ADGRB3: variants seen among roughly 807,000 people sequenced by gnomAD.
ADGRB3 encodes adhesion G protein-coupled receptor B3.
ADGRB3 carries 37 observed loss-of-function variants against 193.4 expected under a neutral mutation model. That is an observed-to-expected ratio of 0.19 (90% CI 0.15 to 0.25). The LOEUF (loss-of-function observed/expected upper bound fraction) is 0.25. Among genes scored for constraint, ADGRB3 ranks in the 10% least tolerant of loss-of-function variants. The pLI is 1.00. For missense variants in ADGRB3, 1,637 were observed against 1,852.9 expected (o/e 0.88, Z 2.14); for synonymous variants, 690 against 644.2 (o/e 1.07, Z -1.08).
intron 20 of ADGRB3, among the ~76,000 whole-genome samples, chr6:69,321,618 T>A (rs1323163406): frequency 6.6e-6 from 1 of 151,708 alleles, no homozygotes; most frequent in Non-Finnish European, 1.5e-5. Context: ...TAAGGGATGA[T>A]TGATCACTGG....
intron 15 of ADGRB3, among the ~76,000 whole-genome samples, chr6:69,052,763 C>G (rs913415360): frequency 3.3e-5 from 5 of 152,152 alleles, no homozygotes; most frequent in Non-Finnish European, 7.3e-5. Context: ...ATTGTCTTCC[C>G]TTTTAAAGTT....
intron 30 of ADGRB3, among the ~76,000 whole-genome samples, chr6:69,379,352 T>C (rs147887737): frequency 2.6e-4 from 39 of 152,048 alleles, no homozygotes; most frequent in African/African-American, 8.9e-4. Context: ...GGCAATCAGA[T>C]AAACCCTAAT....
At chr6:69,139,000 A>G (rs1357389053) in intron 17 of ADGRB3, among the ~76,000 whole-genome samples, 1 of 152,238 alleles carries the variant, frequency 6.6e-6, no homozygotes, top group South Asian at 2.1e-4. Flanking sequence ...AAGAATTTCT[A>G]TTTAAAAACT....
At chr6:69,372,337 C>A in intron 29 of ADGRB3, 69 bp from the exon 30 acceptor site, 1 of 877,820 alleles carries the variant, frequency 1.1e-6, no homozygotes. Flanking sequence ...GATGATTTTT[C>A]ATTTTGTTTG....
intron 17 of ADGRB3, among the ~76,000 whole-genome samples, chr6:69,106,273 A>G (rs1394368115): frequency 6.6e-6 from 1 of 151,726 alleles, no homozygotes; most frequent in Non-Finnish European, 1.5e-5. Context: ...TTTATGTTAC[A>G]TTTATTACTA....
intron 3 of ADGRB3, among the ~76,000 whole-genome samples, chr6:68,768,065 T>A (rs117821291): frequency 0.011 from 1,737 of 152,190 alleles, 15 homozygotes; most frequent in Middle Eastern, 0.017. Flanking sequence ...GAAAAAACAT[T>A]CTATTCTCAT....
Position 69,038,464 on chromosome 6 carries a change from G to A in ADGRB3, c.2108-9721G>A, listed in dbSNP as rs151169537. On this transcript the variant is annotated intron_variant, in intron 13 of 31. Transcript: ENST00000370598. Reference sequence around the variant, plus strand: ...TGCTGTTCTTAGTCTTACTTTCTGAGGAAAGAGGGGGAATTTATTTCCTAA... The same window carrying A: ...TGCTGTTCTTAGTCTTACTTTCTGAAGAAAGAGGGGGAATTTATTTCCTAA... 2.6e-5 allele frequency among the ~76,000 whole-genome samples: 4 copies of A among 152,166 alleles called. No individual in the cohort carries two copies. In the East Asian group the frequency reaches 7.7e-4, roughly 29 times the overall value.
At chr6:69,078,384 G>A (rs374091447) in intron 17 of ADGRB3, among the ~76,000 whole-genome samples, 24 of 152,006 alleles carry the variant, frequency 1.6e-4, no homozygotes, top group African/African-American at 5.5e-4. Context: ...TTTACATTTT[G>A]TTGTTCATAA....
At chr6:68,819,344 T>G (rs1171867157) in intron 3 of ADGRB3, among the ~76,000 whole-genome samples, 1 of 151,926 alleles carries the variant, frequency 6.6e-6, no homozygotes, top group African/African-American at 2.4e-5. Flanking sequence ...TATGGCACCT[T>G]TCCACCATAC....
At chr6:69,040,351 T>TTCTTTCTTTCTTTC (rs1562133152) in intron 13 of ADGRB3, among the ~76,000 whole-genome samples, 18 of 54,600 alleles carry the variant, frequency 3.3e-4, no homozygotes, top group Admixed American at 1.6e-3. Context: ...CTTTCTTTCT[T>TTCTTTCTTTCTTTC]TCTTTCTTTC....
At chr6:69,380,095 A>G (rs867956631) in intron 30 of ADGRB3, among the ~76,000 whole-genome samples, 1 of 152,006 alleles carries the variant, frequency 6.6e-6, no homozygotes, top group African/African-American at 2.4e-5. Flanking sequence ...GGTACTACCC[A>G]TTCAATCAGA....
At chr6:68,780,759 G>T (rs116122354) in intron 3 of ADGRB3, among the ~76,000 whole-genome samples, 1 of 151,942 alleles carries the variant, frequency 6.6e-6, no homozygotes, top group African/African-American at 2.4e-5. Context: ...GAGTTCCCTT[G>T]TATTCTTCAC....
chr6:69,374,890 T>C (rs1769781212), intron 30 of ADGRB3, among the ~76,000 whole-genome samples: 1 of 152,044 alleles, frequency 6.6e-6, no homozygotes, highest in Admixed American at 6.6e-5. Flanking sequence ...GTATAAAAAA[T>C]GACAACTATG....
At chr6:68,782,257 A>G (rs981901550) in intron 3 of ADGRB3, among the ~76,000 whole-genome samples, 1 of 151,278 alleles carries the variant, frequency 6.6e-6, no homozygotes, top group Non-Finnish European at 1.5e-5. Context: ...TTTGCTGAGA[A>G]TGATGGTTTC....
chr6:69,130,035 G>T (rs1773962055), intron 17 of ADGRB3, among the ~76,000 whole-genome samples: 1 of 152,050 alleles, frequency 6.6e-6, no homozygotes, highest in Non-Finnish European at 1.5e-5. Context: ...ATTATAAACT[G>T]GGTAACTTGG....
chr6:69,321,139 TCA>T (rs751637980), intron 20 of ADGRB3, among the ~76,000 whole-genome samples: 3 of 151,904 alleles, frequency 2.0e-5, no homozygotes, highest in Non-Finnish European at 4.4e-5. Context: ...CTCTAGTCCA[TCA>T]CAGTTAACAC....
chr6:69,067,221 G>T (rs541301748), intron 16 of ADGRB3, among the ~76,000 whole-genome samples: 3 of 151,958 alleles, frequency 2.0e-5, no homozygotes, highest in Non-Finnish European at 4.4e-5. Flanking sequence ...CTGCTTTCAG[G>T]GTTGAGATAA....
intron 17 of ADGRB3, among the ~76,000 whole-genome samples, chr6:69,157,224 G>T (rs1288577777): frequency 6.6e-6 from 1 of 152,202 alleles, no homozygotes; most frequent in Non-Finnish European, 1.5e-5. Flanking sequence ...ACTAAGAGCA[G>T]TACCAGGTAA....
At chr6:68,760,877 G>A (rs913227903) in intron 3 of ADGRB3, among the ~76,000 whole-genome samples, 1 of 152,132 alleles carries the variant, frequency 6.6e-6, no homozygotes, top group South Asian at 2.1e-4. Flanking sequence ...CATTCAACAT[G>A]CAATTTAGAT....
Sources: gnomAD v4.1 joint callset for allele counts (sites outside exome capture counted in the v4.1 genomes callset) on GRCh38, gnomAD v4.1.1 for gene constraint, MANE v1.5 for transcripts, NCBI Gene and HGNC (gene_info 2026-07-23, HGNC 2026-07-21) for gene names.